Variants in BFSP2 observed in about 807,000 individuals in gnomAD.
BFSP2 encodes the protein phakinin.
A neutral mutation model predicts 44.9 loss-of-function variants in BFSP2; 38 were observed. That is an observed-to-expected ratio of 0.85 (90% CI 0.65 to 1.11). The LOEUF is 1.11. BFSP2 is among the 50% of genes least tolerant of loss of function. The pLI, the probability that BFSP2 is intolerant of heterozygous loss-of-function variation, is 0.00. For synonymous variants in BFSP2, 197 were observed against 209.9 expected, an observed-to-expected ratio of 0.94 and a Z score of 0.53; for missense variants, 525 against 533.0, an observed-to-expected ratio of 0.99 and a Z score of 0.15.
Position 133,460,642 on chromosome 3 carries a change from G to C in BFSP2, c.892-6186G>C, listed in dbSNP as rs79665206. Reference sequence around the variant, plus strand: ...TTGTCCCCGGGGGGCTAAAAGTTATGCCAGACTTCTGTTGGGAGCTTTTCA... The same window carrying C: ...TTGTCCCCGGGGGGCTAAAAGTTATCCCAGACTTCTGTTGGGAGCTTTTCA... On this transcript the variant is annotated intron_variant, in intron 4 of 6. Coordinates refer to ENST00000302334, the MANE Select transcript of BFSP2 (RefSeq NM_003571.4). Among the ~76,000 whole-genome samples, 438 of 152,260 alleles carry C rather than the reference G, an allele frequency of 2.9e-3. 3 individuals are homozygous for C. The highest frequency in any genetic ancestry group is 0.01 in the African/African-American group (424 of 41,554).
At chr3:133,416,171 C>T (rs183664635) in intron 1 of BFSP2, among the ~76,000 whole-genome samples, 1 of 144,254 alleles carries the variant, frequency 6.9e-6, no homozygotes, top group East Asian at 2.2e-4. Context: ...CCTCTCCCCT[C>T]TAGTCAGCCC....
chr3:133,425,856 AGG>A (rs1178162319), intron 1 of BFSP2, among the ~76,000 whole-genome samples: 15 of 122,154 alleles, frequency 1.2e-4, no homozygotes, highest in African/African-American at 5.3e-4. Context: ...AGGGAAAGGA[AGG>A]GAAGGGAAGG....
intron 5 of BFSP2, among the ~76,000 whole-genome samples, chr3:133,467,479 C>G (rs548303865): frequency 6.6e-6 from 1 of 152,128 alleles, no homozygotes; most frequent in Non-Finnish European, 1.5e-5. Context: ...CTCACTCCCC[C>G]TTTTCCTGAG....
At chr3:133,456,102 C>T (rs2074010564) in intron 4 of BFSP2, among the ~76,000 whole-genome samples, 1 of 152,208 alleles carries the variant, frequency 6.6e-6, no homozygotes, top group African/African-American at 2.4e-5. Context: ...AGAACTCAGT[C>T]TGTCTTAAGA....
chr3:133,402,797 C>T (rs150050509), intron 1 of BFSP2, among the ~76,000 whole-genome samples: 2,887 of 152,000 alleles, frequency 0.019, 78 homozygotes, highest in African/African-American at 0.066. Flanking sequence ...CACGCCACCA[C>T]GCCCAGCTAA....
chr3:133,462,431 TGA>T (rs766998858), intron 4 of BFSP2, among the ~76,000 whole-genome samples: 111 of 152,272 alleles, frequency 7.3e-4, no homozygotes, highest in Non-Finnish European at 1.2e-3. Context: ...CTCACTGGAT[TGA>T]GAGGGGACAA....
intron 1 of BFSP2, among the ~76,000 whole-genome samples, chr3:133,403,427 C>G (rs1487738026): frequency 1.3e-5 from 2 of 152,136 alleles, no homozygotes; most frequent in African/African-American, 2.4e-5. Flanking sequence ...TGTGACTCCT[C>G]AGGGCCCATG....
chr3:133,465,327 A>G (rs984736230), intron 4 of BFSP2, among the ~76,000 whole-genome samples: 9 of 152,192 alleles, frequency 5.9e-5, no homozygotes, highest in African/African-American at 2.2e-4. Flanking sequence ...GTTTCTAGCC[A>G]GTCCATTAGA....
intron 1 of BFSP2, among the ~76,000 whole-genome samples, chr3:133,425,080 A>G (rs1179318992): frequency 1.3e-5 from 2 of 152,216 alleles, no homozygotes; most frequent in African/African-American, 4.8e-5. Flanking sequence ...GGTGGCATGC[A>G]TTGGCCCTGC....
Position 133,453,517 on chromosome 3 carries a change from C to G in BFSP2, c.891+3053C>G, listed in dbSNP as rs530987862. ...GTAGAGGAGAAGCAAAGAAGGGAAC[C>G]AACAAAGAATGCCTAATCAAACCAG... On this transcript the variant is annotated intron_variant, in intron 4 of 6. Coordinates refer to ENST00000302334, the MANE Select transcript of BFSP2 (RefSeq NM_003571.4). 3.9e-5 allele frequency among the ~76,000 whole-genome samples: 6 copies of G among 152,160 alleles called. No individual in the cohort carries two copies. The South Asian group carries it at 1.2e-3, about 32-fold the overall frequency.
intron 1 of BFSP2, among the ~76,000 whole-genome samples, chr3:133,443,007 G>A (rs1371397596): frequency 6.6e-6 from 1 of 152,026 alleles, no homozygotes; most frequent in Non-Finnish European, 1.5e-5. Context: ...ACAGGTGCGT[G>A]CAACCACGCC....
chr3:133,474,777 C>T (rs1038116325), intron 6 of BFSP2, among the ~76,000 whole-genome samples, 192 bp from the exon 7 acceptor site: 2 of 152,164 alleles, frequency 1.3e-5, no homozygotes, highest in East Asian at 3.8e-4. Context: ...GGAAACAAAG[C>T]CTCAGAGAGC....
chr3:133,439,601 G>A (rs2073824555), intron 1 of BFSP2, among the ~76,000 whole-genome samples: 3 of 152,354 alleles, frequency 2.0e-5, no homozygotes, highest in Middle Eastern at 3.4e-3. Context: ...GAGTTCACCA[G>A]ACAAAGGAAA....
chr3:133,427,683 C>T (rs62280909), intron 1 of BFSP2, among the ~76,000 whole-genome samples: 80,744 of 152,020 alleles, frequency 0.53, 24,104 homozygotes, highest in East Asian at 0.75. Context: ...ATCCTGGCAA[C>T]AACACACTAA....
intron 1 of BFSP2, among the ~76,000 whole-genome samples, chr3:133,446,799 G>A (rs570360067): frequency 2.7e-5 from 4 of 150,576 alleles, no homozygotes; most frequent in Non-Finnish European, 4.4e-5. Flanking sequence ...TGTTTTGGGG[G>A]AGACGAAACT....
intron 1 of BFSP2, among the ~76,000 whole-genome samples, chr3:133,408,828 A>G (rs1449586050): frequency 6.6e-6 from 1 of 152,248 alleles, no homozygotes; most frequent in Non-Finnish European, 1.5e-5. Context: ...CATTGAAAAA[A>G]TGGAATAAAA....
In BFSP2 at chr3:133,439,797, A is replaced by C. The variant is rs187051617; in HGVS notation, c.490-7520A>C. Among the ~76,000 whole-genome samples the C allele has an allele frequency of 1.3e-3, 193 of 152,310 alleles. 1 individual carries two copies. The highest frequency in any genetic ancestry group is 4.5e-3 in the African/African-American group (185 of 41,562). On this transcript the variant is annotated intron_variant, in intron 1 of 6. Transcript: ENST00000302334. ...GCTACAGACTTCATAGGACAAGGGG[A>C]CATGGGAAGGTTCATTCCGGAGCAC... is the stretch of plus-strand genomic sequence containing the variant.
chr3:133,452,440 C>T (rs1881918), intron 4 of BFSP2, among the ~76,000 whole-genome samples: 1 of 151,940 alleles, frequency 6.6e-6, no homozygotes, highest in African/African-American at 2.4e-5. Flanking sequence ...CCTAGTTATT[C>T]AAAAAATGAC....
chr3:133,454,293 T>A (rs1236276484), intron 4 of BFSP2, among the ~76,000 whole-genome samples: 2 of 152,206 alleles, frequency 1.3e-5, no homozygotes, highest in African/African-American at 4.8e-5. Context: ...GGATAGCCAC[T>A]CTACTCCAGC....
Sources: gnomAD v4.1 joint callset for allele counts (sites outside exome capture counted in the v4.1 genomes callset) on GRCh38, gnomAD v4.1.1 for gene constraint, MANE v1.5 for transcripts, NCBI Gene and HGNC (gene_info 2026-07-23, HGNC 2026-07-21) for gene names.